The following CD72 variants were observed in gnomAD, a reference collection of about 807,000 sequenced individuals.
The protein encoded by CD72 is B-cell differentiation antigen CD72.
CD72 carries 28 observed loss-of-function variants against 50.7 expected under a neutral mutation model. The observed-to-expected ratio is 0.55, with a 90% confidence interval of 0.41 to 0.76. The LOEUF (loss-of-function observed/expected upper bound fraction) is 0.76. Ranked by LOEUF, CD72 falls within the 30% of genes least tolerant of loss-of-function variation. The pLI, the probability that CD72 is intolerant of heterozygous loss-of-function variation, is 0.00. For missense variants in CD72, 403 were observed against 420.6 expected (o/e 0.96, Z 0.37); for synonymous variants, 176 against 171.2 (o/e 1.03, Z -0.22).
At chr9:35,610,846 T>A in intron 7 of CD72, 93 bp from the exon 8 acceptor site, 1 of 1,016,290 alleles carries the variant, frequency 9.8e-7, no homozygotes, top group Non-Finnish European at 1.5e-6. Context: ...AAATCCTAAC[T>A]CACCCTGCCT....
At chr9:35,627,337 C>G (rs1053654142) in intron 1 of CD72, among the ~76,000 whole-genome samples, 47 of 150,492 alleles carry the variant, frequency 3.1e-4, no homozygotes, top group African/African-American at 1.2e-3. Flanking sequence ...ACCGTGTTCC[C>G]CAGGCTGGTC....
chr9:35,636,009 G>T (rs1298506075), intron 1 of CD72, among the ~76,000 whole-genome samples: 1 of 152,142 alleles, frequency 6.6e-6, no homozygotes. Context: ...TTACCTCTGG[G>T]AACTATGACT....
chr9:35,621,128 T>G (rs1823143819), upstream of CD72, among the ~76,000 whole-genome samples: 1 of 152,242 alleles, frequency 6.6e-6, no homozygotes, highest in South Asian at 2.1e-4. Flanking sequence ...CTCCAAGCTG[T>G]ACCTCTACTG....
intron 1 of CD72, among the ~76,000 whole-genome samples, chr9:35,633,193 T>G (rs1016555522): frequency 1.3e-5 from 2 of 151,228 alleles, no homozygotes; most frequent in African/African-American, 4.9e-5. Context: ...TCTCCCGCCT[T>G]GGCTTCCCAA....
chr9:35,621,979 C>A (rs1823150059), upstream of CD72, among the ~76,000 whole-genome samples: 1 of 152,178 alleles, frequency 6.6e-6, no homozygotes, highest in South Asian at 2.1e-4. Context: ...ATTGTTTAAG[C>A]CACCAAGTGT....
chr9:35,643,837 G>C (rs889761633), intron 1 of CD72, among the ~76,000 whole-genome samples: 1 of 151,942 alleles, frequency 6.6e-6, no homozygotes, highest in African/African-American at 2.4e-5. Flanking sequence ...AATTAGCCGG[G>C]CGTATTGGCA....
At position 35,618,068 on chromosome 9, in the gene CD72, C is replaced by T. The variant is rs140933365; in HGVS notation, c.136G>A (p.Ala46Thr). Reference protein sequence around the residue: ...EITYENVQVPAVLGVPSSLAS... With the variant: ...EITYENVQVPTVLGVPSSLAS... ...AAGCTTGAGGGCACCCCTAGGACTG[C>T]GGGCACTTGAACATTCTCGTAGGTG... The change falls in exon 2 of 9, where the codon GCA becomes ACA. Residue 46 changes from alanine to threonine, a missense_variant. Transcript: ENST00000259633. 1.1e-3 allele frequency: 1,851 copies of T among 1,614,058 alleles called. 2 individuals are homozygous for T. Among genetic ancestry groups the T allele is most frequent in the Non-Finnish European group, 1.2e-3 (1,417 of 1,179,916 alleles).
In CD72 at chr9:35,616,515, C is replaced by A; in HGVS notation, c.352+85G>T. ...AGGAGGTGGTGGTAGTGACTATGAT[C>A]CCTGCTGAGGAAGATCAGCTTTGGG... On this transcript the variant is annotated intron_variant, in intron 4 of 8. Transcript: ENST00000259633. 8.7e-7 allele frequency: 1 copy of A among 1,154,618 alleles called. No homozygotes were observed. The highest frequency in any genetic ancestry group is 2.4e-5 in the East Asian group (1 of 42,132). 71.5% of individuals were successfully genotyped at this position (1,154,618 alleles called of 1,614,324 possible). A position where few individuals can be genotyped will look rare whatever the true frequency, so the allele number is the denominator to read the frequency against.
At chr9:35,628,328 C>A (rs879511415) in intron 1 of CD72, among the ~76,000 whole-genome samples, 1 of 152,230 alleles carries the variant, frequency 6.6e-6, no homozygotes, top group Non-Finnish European at 1.5e-5. Context: ...CGTGGTGGCT[C>A]ACGCCTGTAA....
chr9:35,637,367 G>A (rs921482334), intron 1 of CD72, among the ~76,000 whole-genome samples: 3 of 152,110 alleles, frequency 2.0e-5, no homozygotes, highest in African/African-American at 7.2e-5. Context: ...CCCGGGACAG[G>A]AGGACTCCTT....
At chr9:35,611,286 A>G (rs530277668) in intron 7 of CD72, among the ~76,000 whole-genome samples, 2 of 151,922 alleles carry the variant, frequency 1.3e-5, no homozygotes, top group East Asian at 3.9e-4. Context: ...CAATTGAGGA[A>G]CATAAGGAGG....
intron 1 of CD72, among the ~76,000 whole-genome samples, chr9:35,624,938 T>C (rs2131777245): frequency 6.6e-6 from 1 of 152,296 alleles, no homozygotes; most frequent in East Asian, 1.9e-4. Flanking sequence ...TTCTGACTGC[T>C]CCACTGACTG....
intron 1 of CD72, among the ~76,000 whole-genome samples, chr9:35,640,646 T>A (rs1381602260): frequency 6.6e-6 from 1 of 151,656 alleles, no homozygotes; most frequent in Non-Finnish European, 1.5e-5. Flanking sequence ...GGGATGGGAG[T>A]CAGCAGCAGG....
At chr9:35,642,486 C>T (rs957186203) in intron 1 of CD72, 3 of 152,264 alleles carry the variant, frequency 2.0e-5, no homozygotes, top group Admixed American at 6.5e-5. Flanking sequence ...ATGGGGCCAA[C>T]CCTTTACCAC....
At chr9:35,621,483 C>T (rs1228633999), upstream of CD72, among the ~76,000 whole-genome samples, 1 of 152,186 alleles carries the variant, frequency 6.6e-6, no homozygotes, top group African/African-American at 2.4e-5. Context: ...CACTGGCCTC[C>T]GGGAAGCCCT....
At chr9:35,613,034 T>A in intron 5 of CD72, 41 bp from the exon 6 acceptor site, 1 of 1,549,794 alleles carries the variant, frequency 6.5e-7, no homozygotes. Flanking sequence ...ACAGTTGGGA[T>A]GAAAGTGACT....
chr9:35,618,025 C>T lies in CD72; in HGVS notation c.179G>A (p.Gly60Glu). Residue 60 changes from glycine (G) to glutamate (E), a missense_variant, in exon 2 of 9, where the codon GGG becomes GAG. Physicochemically the swap from Gly to Glu is moderately conservative, Grantham distance 98. Transcript: ENST00000259633. ...VPSSLASSVL[G>E]DKAAVKSEQP... ...CAGGCTCTCCAGACCTGCTTTGTCC[C>T]CTAGTACAGAAGAAGCCAAGCTTGA... The T allele has an allele frequency of 6.2e-7, 1 of 1,607,694 alleles. No individual in the cohort carries two copies.
At chr9:35,632,846 G>C (rs1335363375) in intron 1 of CD72, among the ~76,000 whole-genome samples, 1 of 151,704 alleles carries the variant, frequency 6.6e-6, no homozygotes, top group Non-Finnish European at 1.5e-5. Flanking sequence ...CCAAAGTGCT[G>C]GGATTTCAGG....
Position 35,618,395 on chromosome 9 carries a change from G to C in CD72, c.-92C>G. 1 of 1,583,032 alleles carries C rather than the reference G, an allele frequency of 6.3e-7. No homozygotes were observed. Among genetic ancestry groups the C allele is most frequent in the Non-Finnish European group, 8.6e-7 (1 of 1,164,804 alleles). On this transcript the variant is annotated 5_prime_UTR_variant, in exon 1 of 9. Coordinates refer to ENST00000259633, the MANE Select transcript of CD72 (RefSeq NM_001782.3). ...CTCTGTCCGTTTACAACTAGGCTCTGTGTTCCCTCTGTGACTGCACGGCTT... is the reference window on the plus strand; with the variant it reads ...CTCTGTCCGTTTACAACTAGGCTCTCTGTTCCCTCTGTGACTGCACGGCTT...
Sources: gnomAD v4.1 joint callset for allele counts (sites outside exome capture counted in the v4.1 genomes callset) on GRCh38, gnomAD v4.1.1 for gene constraint, MANE v1.5 for transcripts, NCBI Gene and HGNC (gene_info 2026-07-23, HGNC 2026-07-21) for gene names.